TMEM132D: variants seen among roughly 807,000 people sequenced by gnomAD.
TMEM132D encodes mature OL transmembrane protein.
In TMEM132D, 21 loss-of-function variants were observed where a neutral mutation model predicts 62.3. The observed-to-expected ratio is 0.34, with a 90% CI of 0.24 to 0.49. The LOEUF (loss-of-function observed/expected upper bound fraction) is 0.49, where lower values mean the gene tolerates loss of function less well. Ranked by LOEUF, TMEM132D falls within the 20% of genes least tolerant of loss-of-function variation. TMEM132D has a pLI of 0.99. For missense variants in TMEM132D, 1,346 were observed against 1,402.8 expected (o/e 0.96, Z 0.65); for synonymous variants, 621 against 575.6 (o/e 1.08, Z -1.13).
chr12:129,395,962 AATAT>A (rs34665010), intron 3 of TMEM132D, among the ~76,000 whole-genome samples: 2 of 142,394 alleles, frequency 1.4e-5, no homozygotes, highest in African/African-American at 5.5e-5. Flanking sequence ...AATAATATAT[AATAT>A]ATATCATATA....
chr12:129,131,539 G>A (rs1433537729), intron 5 of TMEM132D, among the ~76,000 whole-genome samples: 1 of 152,120 alleles, frequency 6.6e-6, no homozygotes, highest in Non-Finnish European at 1.5e-5. Context: ...CGCAGGAGGT[G>A]GAGGTTGCAG....
At chr12:129,271,308 G>A (rs1054596256) in intron 4 of TMEM132D, among the ~76,000 whole-genome samples, 1 of 151,470 alleles carries the variant, frequency 6.6e-6, no homozygotes, top group Non-Finnish European at 1.5e-5. Flanking sequence ...AATCAGAACA[G>A]AACCCTTTCC....
intron 1 of TMEM132D, among the ~76,000 whole-genome samples, chr12:129,745,358 A>G (rs913344962): frequency 1.3e-5 from 2 of 152,184 alleles, no homozygotes; most frequent in African/African-American, 4.8e-5. Context: ...ACACCCGCAA[A>G]TGCGGATGTG....
chr12:129,196,491 T>A (rs994007030), intron 5 of TMEM132D, among the ~76,000 whole-genome samples: 1 of 152,180 alleles, frequency 6.6e-6, no homozygotes, highest in African/African-American at 2.4e-5. Context: ...TCTTTCTAGG[T>A]CTAAGATGCC....
At chr12:129,429,572 C>G (rs1466869197) in intron 3 of TMEM132D, among the ~76,000 whole-genome samples, 1 of 141,166 alleles carries the variant, frequency 7.1e-6, no homozygotes, top group Non-Finnish European at 1.5e-5. Flanking sequence ...CCACACCCAG[C>G]TAATTCTTTC....
intron 1 of TMEM132D, among the ~76,000 whole-genome samples, chr12:129,776,788 C>CAAA (rs148740560): frequency 8.9e-4 from 61 of 68,454 alleles, no homozygotes; most frequent in African/African-American, 2.5e-3. Context: ...TAATGGGCTT[C>CAAA]AAAAAAAAAA....
intron 3 of TMEM132D, among the ~76,000 whole-genome samples, chr12:129,482,945 C>CTGTGTGTG (rs59346043): frequency 3.5e-5 from 5 of 144,182 alleles, no homozygotes; most frequent in African/African-American, 1.0e-4. Flanking sequence ...CATATTTAAT[C>CTGTGTGTG]TGTGTGTGTG....
At position 129,232,265 on chromosome 12, in the gene TMEM132D, C is replaced by A. The variant is rs939272543; in HGVS notation, c.1300-22602G>T. On this transcript the variant is annotated intron_variant, in intron 4 of 8. Coordinates refer to ENST00000422113, the MANE Select transcript of TMEM132D (RefSeq NM_133448.3). ...TGATTCCAGAGTGCCTTCTACTCTGCTGGACCTGTGAACACACATGCACTC... is the reference window on the plus strand; with the variant it reads ...TGATTCCAGAGTGCCTTCTACTCTGATGGACCTGTGAACACACATGCACTC... Among the ~76,000 whole-genome samples the A allele has an allele frequency of 5.3e-5, 8 of 152,170 alleles. No individual in the cohort carries two copies. In the East Asian group the frequency reaches 1.5e-3, roughly 29 times the overall value.
chr12:129,076,307 T>C (rs537056203), intron 8 of TMEM132D, among the ~76,000 whole-genome samples: 51 of 152,370 alleles, frequency 3.3e-4, no homozygotes, highest in Non-Finnish European at 6.6e-4. Context: ...ATGAAAGTGC[T>C]GACCTTCCCT....
chr12:129,226,543 A>T (rs1391463968), intron 4 of TMEM132D, among the ~76,000 whole-genome samples: 1 of 152,222 alleles, frequency 6.6e-6, no homozygotes, highest in Admixed American at 6.5e-5. Context: ...GGTAATGGTC[A>T]CCTGGTAACC....
At position 129,327,524 on chromosome 12, in the gene TMEM132D, G is replaced by T. The variant is rs547085769; in HGVS notation, c.1299+10110C>A. 2.0e-5 allele frequency among the ~76,000 whole-genome samples: 3 copies of T among 152,336 alleles called. No homozygotes were observed. In the East Asian group the frequency reaches 5.8e-4, roughly 29 times the overall value. On this transcript the variant is annotated intron_variant, in intron 4 of 8. Transcript: ENST00000422113. Reference sequence around the variant, plus strand: ...TGTGGCCACCATACTGGATGGCTTAGATTATAGAACGTTTATATCATCTCG... The same window carrying T: ...TGTGGCCACCATACTGGATGGCTTATATTATAGAACGTTTATATCATCTCG...
At chr12:129,439,741 T>C (rs1872887139) in intron 3 of TMEM132D, among the ~76,000 whole-genome samples, 1 of 152,198 alleles carries the variant, frequency 6.6e-6, no homozygotes, top group Non-Finnish European at 1.5e-5. Flanking sequence ...CGTGAGCCAC[T>C]GTGACTGGCC....
In TMEM132D at chr12:129,696,404, T is replaced by C. The variant is rs1405173892; in HGVS notation, c.968+3406A>G. ...CACATATTTGTTAATAATCAGCAAT[T>C]CATTCATTCATTCAAGAAATCTAAG... On this transcript the variant is annotated intron_variant, in intron 2 of 8. Coordinates refer to ENST00000422113, the MANE Select transcript of TMEM132D (RefSeq NM_133448.3). 2.0e-5 allele frequency among the ~76,000 whole-genome samples: 3 copies of C among 152,308 alleles called. No homozygotes were observed. In the South Asian group the frequency reaches 6.2e-4, roughly 32 times the overall value.
At chr12:129,881,671 A>AT (rs1273988927) in intron 1 of TMEM132D, among the ~76,000 whole-genome samples, 1 of 152,058 alleles carries the variant, frequency 6.6e-6, no homozygotes, top group East Asian at 1.9e-4. Context: ...GTAGACTATT[A>AT]GGAACTGATG....
chr12:129,178,399 G>T (rs1877967347), intron 5 of TMEM132D, among the ~76,000 whole-genome samples: 1 of 149,368 alleles, frequency 6.7e-6, no homozygotes, highest in Non-Finnish European at 1.5e-5. Context: ...CAATATAAAA[G>T]TGTTCCTTTT....
At chr12:129,303,133 T>C (rs1881764745) in intron 4 of TMEM132D, among the ~76,000 whole-genome samples, 1 of 151,990 alleles carries the variant, frequency 6.6e-6, no homozygotes, top group Non-Finnish European at 1.5e-5. Flanking sequence ...AGGGTGTCCC[T>C]TGCAGCCTCC....
chr12:129,272,858 C>T (rs1250477307), intron 4 of TMEM132D, among the ~76,000 whole-genome samples: 1 of 151,684 alleles, frequency 6.6e-6, no homozygotes, highest in Non-Finnish European at 1.5e-5. Flanking sequence ...GTCAGGAGTT[C>T]GAAACTAGCC....
In TMEM132D at chr12:129,203,216, T is replaced by C. The variant is rs117932337; in HGVS notation, c.1443+6304A>G. ...ACCCGGCTGCATCTGCACCTCACTC[T>C]GTTTTCTGTGGTCCACTTTCCTTTT... On this transcript the variant is annotated intron_variant, in intron 5 of 8. Transcript: ENST00000422113. Among the ~76,000 whole-genome samples the C allele has an allele frequency of 1.1e-3, 172 of 152,320 alleles. 3 individuals carry two copies. In the East Asian group the frequency reaches 0.029, roughly 25 times the overall value.
chr12:129,213,806 T>C (rs1228384409), intron 4 of TMEM132D, among the ~76,000 whole-genome samples: 2 of 152,120 alleles, frequency 1.3e-5, no homozygotes, highest in Non-Finnish European at 2.9e-5. Flanking sequence ...ATGACCCAAA[T>C]ACCTCCCATG....
Sources: gnomAD v4.1 joint callset for allele counts (sites outside exome capture counted in the v4.1 genomes callset) on GRCh38, gnomAD v4.1.1 for gene constraint, MANE v1.5 for transcripts, NCBI Gene and HGNC (gene_info 2026-07-23, HGNC 2026-07-21) for gene names.